Variants in CDC73 observed in about 807,000 individuals in gnomAD.
CDC73 encodes the protein parafibromin.
In CDC73, 21 loss-of-function variants were observed where a neutral mutation model predicts 83.7. The observed-to-expected ratio is 0.25, with a 90% CI of 0.18 to 0.36. CDC73 has a LOEUF of 0.36. CDC73 is among the 10% of genes least tolerant of loss of function. The pLI, the probability that CDC73 is intolerant of heterozygous loss-of-function variation, is 1.00. For synonymous variants in CDC73, 224 were observed against 212.9 expected, an observed-to-expected ratio of 1.05 and a Z score of -0.45; for missense variants, 342 against 653.3, an observed-to-expected ratio of 0.52 and a Z score of 5.19.
At chr1:193,142,796 G>A (rs554263445) in intron 7 of CDC73, among the ~76,000 whole-genome samples, 3 of 152,252 alleles carry the variant, frequency 2.0e-5, no homozygotes, top group African/African-American at 7.2e-5. Context: ...GCTGGTTAAA[G>A]GAGATATGCA....
chr1:193,159,127 T>A (rs914825208), intron 10 of CDC73, among the ~76,000 whole-genome samples: 8 of 152,136 alleles, frequency 5.3e-5, no homozygotes, highest in Non-Finnish European at 1.2e-4. Flanking sequence ...TTTTCCAACT[T>A]TTTTTGACGG....
chr1:193,146,760 A>G (rs1676007297), intron 7 of CDC73, among the ~76,000 whole-genome samples: 1 of 152,220 alleles, frequency 6.6e-6, no homozygotes, highest in South Asian at 2.1e-4. Flanking sequence ...TCGTCAGATT[A>G]GTTAGCTGTG....
chr1:193,144,815 CTT>C (rs34816338), intron 7 of CDC73, among the ~76,000 whole-genome samples: 353 of 139,178 alleles, frequency 2.5e-3, no homozygotes, highest in Middle Eastern at 3.8e-3. Flanking sequence ...ATTTGGCAGA[CTT>C]TTTTTTTTTT....
intron 13 of CDC73, among the ~76,000 whole-genome samples, chr1:193,224,897 A>T (rs1270913906): frequency 6.6e-6 from 1 of 152,114 alleles, no homozygotes; most frequent in Non-Finnish European, 1.5e-5. Flanking sequence ...TCTTTAAAAA[A>T]AAATTTATTT....
At chr1:193,143,615 G>A (rs941068825) in intron 7 of CDC73, among the ~76,000 whole-genome samples, 20 of 152,126 alleles carry the variant, frequency 1.3e-4, no homozygotes, top group African/African-American at 4.3e-4. Context: ...AGTATTATTA[G>A]TATTAAAAAA....
At chr1:193,241,710 A>G (rs1388947168) in intron 15 of CDC73, among the ~76,000 whole-genome samples, 1 of 152,086 alleles carries the variant, frequency 6.6e-6, no homozygotes, top group Non-Finnish European at 1.5e-5. Context: ...TGCCCCTGGG[A>G]AAAGTGCTCA....
chr1:193,222,227 T>TG (rs1225703082), intron 13 of CDC73, among the ~76,000 whole-genome samples: 1 of 152,110 alleles, frequency 6.6e-6, no homozygotes, highest in African/African-American at 2.4e-5. Context: ...GGCAGCCACA[T>TG]GGGGCCGAGT....
At chr1:193,168,465 A>G (rs529968610) in intron 10 of CDC73, among the ~76,000 whole-genome samples, 4 of 152,034 alleles carry the variant, frequency 2.6e-5, no homozygotes, top group Admixed American at 1.3e-4. Flanking sequence ...TATTGTGCCA[A>G]CTGGCAGTGC....
At chr1:193,129,916 C>G (rs1002063014) in intron 2 of CDC73, among the ~76,000 whole-genome samples, 1 of 152,090 alleles carries the variant, frequency 6.6e-6, no homozygotes, top group Non-Finnish European at 1.5e-5. Flanking sequence ...TATATTGTAT[C>G]AAGATATATT....
At chr1:193,245,933 C>G (rs1397963799) in intron 15 of CDC73, among the ~76,000 whole-genome samples, 12 of 152,024 alleles carry the variant, frequency 7.9e-5, no homozygotes, top group Admixed American at 7.2e-4. Flanking sequence ...TTTGTGTCTT[C>G]TTTTGAGAAA....
rs1675912024 is a variant in CDC73, at chr1:193,141,838, A to G, written c.513-12A>G. On this transcript the variant is annotated splice_polypyrimidine_tract_variant and intron_variant, in intron 6 of 16. Coordinates refer to ENST00000367435, the MANE Select transcript of CDC73 (RefSeq NM_024529.5). ...GCCTGCTGTGAAAATTTAAAAAAGA[A>G]ATTGCTTTTAGGTCTTTGTCTGAAG... 2.5e-6 allele frequency: 4 copies of G among 1,587,042 alleles called. No homozygotes were observed. The highest frequency in any genetic ancestry group is 3.3e-4 in the Middle Eastern group (2 of 6,000).
chr1:193,233,846 C>G (rs969112666), intron 14 of CDC73, among the ~76,000 whole-genome samples: 1 of 151,964 alleles, frequency 6.6e-6, no homozygotes, highest in South Asian at 2.1e-4. Flanking sequence ...AAATATTAAG[C>G]TGTTTATAAT....
chr1:193,144,026 C>T (rs1429834830), intron 7 of CDC73, among the ~76,000 whole-genome samples: 1 of 139,958 alleles, frequency 7.1e-6, no homozygotes, highest in Admixed American at 8.0e-5. Flanking sequence ...AGGAGAATTG[C>T]TTGAACCTGT....
At chr1:193,157,819 C>T (rs1572164678) in intron 10 of CDC73, among the ~76,000 whole-genome samples, 2 of 152,102 alleles carry the variant, frequency 1.3e-5, no homozygotes, top group East Asian at 3.9e-4. Context: ...CTTTGATTTT[C>T]AGTTCTACCA....
chr1:193,249,932 A>T lies in CDC73; in HGVS notation c.1559+61A>T, dbSNP rs138658193. Reference sequence around the variant, plus strand: ...TATTGTAATTTTTCTGTCTCAGTTAAATTTTAAGTTCCATAGAGTTGTCAG... The same window carrying T: ...TATTGTAATTTTTCTGTCTCAGTTATATTTTAAGTTCCATAGAGTTGTCAG... On this transcript the variant is annotated intron_variant, in intron 16 of 16. Transcript: ENST00000367435. The T allele has an allele frequency of 7.9e-6, 12 of 1,524,796 alleles. No individual in the cohort carries two copies. The East Asian group carries it at 2.7e-4, about 34-fold the overall frequency. 94.5% of individuals were successfully genotyped at this position (1,524,796 alleles called of 1,614,324 possible).
In CDC73 at chr1:193,128,480, AT is replaced by A. The variant is rs570977136; in HGVS notation, c.238-1689del. Among the ~76,000 whole-genome samples, 32 of 151,266 alleles carry A rather than the reference AT, an allele frequency of 2.1e-4. No homozygotes were observed. The East Asian group carries it at 6.3e-3, about 30-fold the overall frequency. On this transcript the variant is annotated intron_variant, in intron 2 of 16. Transcript: ENST00000367435. Reference sequence around the variant, plus strand: ...GCCACCATGCCTGGCTAACTTTTATATTTTTGTAGAGTTGGAGTTTTTCCAT... The same window carrying A: ...GCCACCATGCCTGGCTAACTTTTATATTTTGTAGAGTTGGAGTTTTTCCAT...
intron 13 of CDC73, among the ~76,000 whole-genome samples, chr1:193,220,405 C>G (rs1179095979): frequency 6.6e-6 from 1 of 151,892 alleles, no homozygotes. Context: ...GCCTCGGCCT[C>G]CCAAACTGCT....
intron 3 of CDC73, among the ~76,000 whole-genome samples, chr1:193,134,335 G>A (rs1675749803): frequency 6.6e-6 from 1 of 152,018 alleles, no homozygotes; most frequent in Non-Finnish European, 1.5e-5. Context: ...TAAATAAATT[G>A]TAGTTAGGCC....
intron 13 of CDC73, among the ~76,000 whole-genome samples, chr1:193,225,465 T>G (rs1478652073): frequency 6.6e-6 from 1 of 152,104 alleles, no homozygotes. Flanking sequence ...TTCTTTTAGT[T>G]TTTTAAGGAA....
Sources: gnomAD v4.1 joint callset for allele counts (sites outside exome capture counted in the v4.1 genomes callset) on GRCh38, gnomAD v4.1.1 for gene constraint, MANE v1.5 for transcripts, NCBI Gene and HGNC (gene_info 2026-07-23, HGNC 2026-07-21) for gene names.